The following ELAVL2 variants were observed in gnomAD, a reference collection of about 807,000 sequenced individuals.
ELAVL2 encodes the protein ELAV like RNA binding protein 2, also known as ELAV-like protein 2.
Under a neutral mutation model 34.6 loss-of-function variants are expected in ELAVL2, and 4 were observed. The ratio of observed to expected loss-of-function variants is 0.12; its 90% CI spans 0.06 to 0.26. The LOEUF is 0.26. ELAVL2 is among the 10% of genes least tolerant of loss of function. The pLI is 1.00. For missense variants in ELAVL2, 432 were observed against 442.8 expected, an observed-to-expected ratio of 0.98 and a Z score of 0.22; for synonymous variants, 193 against 154.8, an observed-to-expected ratio of 1.25 and a Z score of -1.83.
At chr9:23,795,824 T>G (rs1254648118) in intron 1 of ELAVL2, among the ~76,000 whole-genome samples, 3 of 152,228 alleles carry the variant, frequency 2.0e-5, no homozygotes, top group Non-Finnish European at 4.4e-5. Context: ...AAGTTGATTT[T>G]ATTGCTATTT....
At chr9:23,822,834 G>A (rs766306177) in intron 1 of ELAVL2, among the ~76,000 whole-genome samples, 3 of 152,230 alleles carry the variant, frequency 2.0e-5, no homozygotes, top group Admixed American at 1.3e-4. Flanking sequence ...GAACGTGACC[G>A]AGGTTACAGC....
chr9:23,801,680 T>A (rs2061584535), intron 1 of ELAVL2, among the ~76,000 whole-genome samples: 2 of 152,362 alleles, frequency 1.3e-5, no homozygotes, highest in South Asian at 4.1e-4. Flanking sequence ...AACAGAATGT[T>A]CACGCATTAG....
chr9:23,724,874 A>T (rs1001048431), intron 3 of ELAVL2, among the ~76,000 whole-genome samples: 21 of 149,454 alleles, frequency 1.4e-4, no homozygotes, highest in African/African-American at 5.2e-4. Context: ...TACTTTTTCA[A>T]TTTTTTTTTT....
At chr9:23,739,807 C>T (rs1455091020) in intron 2 of ELAVL2, among the ~76,000 whole-genome samples, 5 of 152,036 alleles carry the variant, frequency 3.3e-5, no homozygotes, top group Non-Finnish European at 7.4e-5. Context: ...GCACACACCC[C>T]CCCCACTAAG....
intron 3 of ELAVL2, among the ~76,000 whole-genome samples, chr9:23,708,940 A>C (rs2040175166): frequency 6.6e-6 from 1 of 152,144 alleles, no homozygotes; most frequent in Non-Finnish European, 1.5e-5. Flanking sequence ...GCCCGGCTCC[A>C]TTAATATTTT....
Position 23,824,801 on chromosome 9 carries a change from T to C in ELAVL2, c.-16+1005A>G, listed in dbSNP as rs552356073. On this transcript the variant is annotated intron_variant, in intron 1 of 6. Coordinates refer to ENST00000397312, the MANE Select transcript of ELAVL2 (RefSeq NM_004432.5). The stretch of plus-strand genomic sequence containing the variant: ...CTGCCCAGCTTGTCATCCCCAACCA[T>C]CTTTCTCCTGGCGTCAATTTAACAA... Among the ~76,000 whole-genome samples the C allele has an allele frequency of 3.4e-4, 52 of 152,188 alleles. 1 individual carries two copies. The South Asian group carries it at 0.01, about 30-fold the overall frequency.
chr9:23,712,705 TTACACTAGGGGAGATTCTCATTTTCA>T (rs1474785180), intron 3 of ELAVL2, among the ~76,000 whole-genome samples: 1 of 152,166 alleles, frequency 6.6e-6, no homozygotes, highest in Non-Finnish European at 1.5e-5. Context: ...AACTGGCTGT[TTACACTAGGGGAGATTCTCATTTTCA>T]TAGAATTTTC....
At chr9:23,698,546 A>T (rs996527223) in intron 5 of ELAVL2, among the ~76,000 whole-genome samples, 1 of 152,236 alleles carries the variant, frequency 6.6e-6, no homozygotes, top group African/African-American at 2.4e-5. Flanking sequence ...CTCCCAAGGT[A>T]CTATGAGAAC....
At chr9:23,705,213 T>C (rs2038914928) in intron 3 of ELAVL2, 142 bp from the exon 4 acceptor site, 2 of 910,466 alleles carry the variant, frequency 2.2e-6, no homozygotes, top group Non-Finnish European at 3.2e-6. Flanking sequence ...AACTGCTTTA[T>C]TCATTTCCAG....
chr9:23,781,188 G>C lies in ELAVL2; in HGVS notation c.-15-18939C>G, dbSNP rs1328537206. ...AAAGAATGGCTTATAAAAAATTTCA[G>C]GCACTATACAAAGTAGGGTATTGTT... On this transcript the variant is annotated intron_variant, in intron 1 of 6. Transcript: ENST00000397312. 2.0e-5 allele frequency among the ~76,000 whole-genome samples: 3 copies of C among 152,272 alleles called. No homozygotes were observed. The East Asian group carries it at 5.8e-4, about 29-fold the overall frequency.
intron 3 of ELAVL2, among the ~76,000 whole-genome samples, chr9:23,707,301 T>A (rs1462507140): frequency 6.6e-6 from 1 of 152,218 alleles, no homozygotes; most frequent in Admixed American, 6.5e-5. Context: ...ACTTAATTTC[T>A]TTTCTCGTGT....
At chr9:23,746,046 T>A (rs2050400242) in intron 2 of ELAVL2, among the ~76,000 whole-genome samples, 2 of 151,982 alleles carry the variant, frequency 1.3e-5, no homozygotes, top group African/African-American at 4.8e-5. Flanking sequence ...AGGATCGGTA[T>A]CTTCACTGCA....
intron 1 of ELAVL2, among the ~76,000 whole-genome samples, chr9:23,796,969 G>A (rs747704828): frequency 6.6e-6 from 1 of 150,810 alleles, no homozygotes; most frequent in Non-Finnish European, 1.5e-5. Flanking sequence ...AATGAGGACA[G>A]GGACAATGGA....
chr9:23,779,773 G>C (rs2058783351), intron 1 of ELAVL2, among the ~76,000 whole-genome samples: 1 of 151,666 alleles, frequency 6.6e-6, no homozygotes, highest in African/African-American at 2.4e-5. Context: ...TTCAAGCAGA[G>C]ACCAGGAGAA....
chr9:23,712,527 G>GA (rs1251150981), intron 3 of ELAVL2, among the ~76,000 whole-genome samples: 2 of 152,092 alleles, frequency 1.3e-5, no homozygotes, highest in African/African-American at 4.8e-5. Context: ...AGATGTTGGA[G>GA]AAAAAAATCT....
At chr9:23,808,021 G>A (rs1316170048) in intron 1 of ELAVL2, among the ~76,000 whole-genome samples, 1 of 152,102 alleles carries the variant, frequency 6.6e-6, no homozygotes, top group Non-Finnish European at 1.5e-5. Context: ...ATCCATGGTG[G>A]GATAGAAGCT....
At chr9:23,744,038 A>C (rs2049919128) in intron 2 of ELAVL2, among the ~76,000 whole-genome samples, 1 of 152,216 alleles carries the variant, frequency 6.6e-6, no homozygotes, top group South Asian at 2.1e-4. Context: ...GATCAGAAGA[A>C]TCCATCTTAT....
At chr9:23,723,231 C>A (rs2134162362) in intron 3 of ELAVL2, among the ~76,000 whole-genome samples, 1 of 152,186 alleles carries the variant, frequency 6.6e-6, no homozygotes, top group African/African-American at 2.4e-5. Flanking sequence ...CCATGGAATA[C>A]TATGCAGCCA....
chr9:23,736,523 G>A (rs2047928664), intron 2 of ELAVL2, among the ~76,000 whole-genome samples: 1 of 152,100 alleles, frequency 6.6e-6, no homozygotes, highest in Non-Finnish European at 1.5e-5. Context: ...ACAATGGTCA[G>A]AGCAGGCCCT....
Sources: allele counts gnomAD v4.1 joint callset (sites outside exome capture counted in the v4.1 genomes callset), GRCh38; gene constraint gnomAD v4.1.1; transcripts MANE v1.5; gene names NCBI Gene and HGNC (gene_info 2026-07-23, HGNC 2026-07-21).